Variants in ZNF407 observed in about 807,000 individuals in gnomAD.
ZNF407 encodes zinc finger protein 407.
In ZNF407, 17 loss-of-function variants were observed where a neutral mutation model predicts 131.2. The ratio of observed to expected loss-of-function variants is 0.13; its 90% CI spans 0.09 to 0.19. The LOEUF is 0.19. Among genes scored for constraint, ZNF407 ranks in the 10% least tolerant of loss-of-function variants. ZNF407 has a pLI of 1.00. For synonymous variants in ZNF407, 1,156 were observed against 1,062.0 expected (o/e 1.09, Z -1.72); for missense variants, 2,681 against 2,830.6 (o/e 0.95, Z 1.20).
At chr18:74,651,637 A>G (rs1477425544) in intron 3 of ZNF407, among the ~76,000 whole-genome samples, 1 of 152,222 alleles carries the variant, frequency 6.6e-6, no homozygotes, top group African/African-American at 2.4e-5. Context: ...TAAAATATTC[A>G]GGCTCAGCAA....
intron 3 of ZNF407, among the ~76,000 whole-genome samples, chr18:74,686,873 C>G (rs1022156673): frequency 2.6e-5 from 4 of 152,166 alleles, no homozygotes; most frequent in African/African-American, 9.7e-5. Context: ...TATATATACA[C>G]TGTATTATGT....
intron 1 of ZNF407, among the ~76,000 whole-genome samples, chr18:74,619,790 ACAGCAAAT>A (rs1983443391): frequency 7.9e-5 from 12 of 152,214 alleles, no homozygotes; most frequent in Non-Finnish European, 2.9e-5. Flanking sequence ...TTGATGTGAA[ACAGCAAAT>A]CCCATTTCTC....
At chr18:74,909,829 T>C (rs183816131) in intron 7 of ZNF407, among the ~76,000 whole-genome samples, 1 of 152,326 alleles carries the variant, frequency 6.6e-6, no homozygotes, top group Admixed American at 6.5e-5. Context: ...GTCAAGTCTA[T>C]CTATGTTTGA....
chr18:74,674,455 C>CT (rs36053778), intron 3 of ZNF407, among the ~76,000 whole-genome samples: 11,304 of 152,146 alleles, frequency 0.074, 444 homozygotes, highest in East Asian at 0.12. Flanking sequence ...ACCAAATTCT[C>CT]TGTTATCAAG....
At chr18:74,667,482 T>C (rs1381231282) in intron 3 of ZNF407, among the ~76,000 whole-genome samples, 1 of 152,220 alleles carries the variant, frequency 6.6e-6, no homozygotes, top group Non-Finnish European at 1.5e-5. Flanking sequence ...CAGCTGTTGC[T>C]TTTACTGAGC....
At chr18:74,791,096 A>G (rs3843968) in intron 4 of ZNF407, among the ~76,000 whole-genome samples, 98,635 of 152,006 alleles carry the variant, frequency 0.65, 33,767 homozygotes, top group East Asian at 0.95. Flanking sequence ...GAAAACAAGC[A>G]GATGATTGAT....
intron 8 of ZNF407, among the ~76,000 whole-genome samples, chr18:74,973,507 C>A (rs532196764): frequency 1.3e-5 from 2 of 152,074 alleles, no homozygotes; most frequent in Non-Finnish European, 2.9e-5. Flanking sequence ...CTGTTGGAGG[C>A]GATTACAACA....
chr18:74,698,230 A>G (rs1343784301), intron 3 of ZNF407, among the ~76,000 whole-genome samples: 1 of 152,216 alleles, frequency 6.6e-6, no homozygotes, highest in African/African-American at 2.4e-5. Context: ...AACTAAAACT[A>G]AGGACTTCTG....
chr18:75,008,750 T>C (rs76655215), intron 8 of ZNF407, among the ~76,000 whole-genome samples: 1,883 of 152,324 alleles, frequency 0.012, 38 homozygotes, highest in African/African-American at 0.043. Context: ...ACATTTCCAC[T>C]ACCTTCTGAT....
chr18:75,057,778 C>T (rs977750907), intron 8 of ZNF407, among the ~76,000 whole-genome samples: 1 of 152,094 alleles, frequency 6.6e-6, no homozygotes, highest in African/African-American at 2.4e-5. Flanking sequence ...AAGTGCCATT[C>T]GTGTATTTTA....
chr18:74,866,952 A>C (rs1419145215), intron 4 of ZNF407, among the ~76,000 whole-genome samples: 11 of 144,660 alleles, frequency 7.6e-5, no homozygotes, highest in Non-Finnish European at 1.0e-4. Flanking sequence ...GTTTGAGACC[A>C]GCCTTGACAA....
At chr18:74,616,855 CCACACACCA>C (rs1983314680) in intron 1 of ZNF407, among the ~76,000 whole-genome samples, 12 of 125,636 alleles carry the variant, frequency 9.6e-5, no homozygotes, top group African/African-American at 3.0e-4. Context: ...GCATCCATAT[CCACACACCA>C]CACGCATCCA....
At chr18:74,936,470 A>G (rs1972041425) in intron 8 of ZNF407, among the ~76,000 whole-genome samples, 1 of 152,156 alleles carries the variant, frequency 6.6e-6, no homozygotes, top group African/African-American at 2.4e-5. Flanking sequence ...GCCCCTGCGC[A>G]TTTAGGCTTA....
intron 4 of ZNF407, among the ~76,000 whole-genome samples, chr18:74,829,717 C>T (rs1970456110): frequency 6.6e-6 from 1 of 151,568 alleles, no homozygotes; most frequent in Non-Finnish European, 1.5e-5. Flanking sequence ...TTTTTGTTTG[C>T]TTTTTTTATA....
intron 8 of ZNF407, among the ~76,000 whole-genome samples, chr18:74,978,859 T>C (rs1402991272): frequency 2.0e-5 from 3 of 152,004 alleles, no homozygotes; most frequent in East Asian, 3.9e-4. Context: ...GAGTATATCA[T>C]GTAAGAAGGA....
intron 4 of ZNF407, among the ~76,000 whole-genome samples, chr18:74,863,167 C>T (rs1403311420): frequency 1.3e-5 from 2 of 151,826 alleles, no homozygotes; most frequent in South Asian, 2.1e-4. Context: ...GTGATCCTCC[C>T]ACCTCGGCCT....
chr18:74,968,564 G>C (rs926510317), intron 8 of ZNF407, among the ~76,000 whole-genome samples: 12 of 152,198 alleles, frequency 7.9e-5, no homozygotes, highest in African/African-American at 1.4e-4. Flanking sequence ...AGTTTTGCCA[G>C]ACAGGACTCA....
At chr18:74,692,075 C>T (rs1261533926) in intron 3 of ZNF407, among the ~76,000 whole-genome samples, 2 of 151,966 alleles carry the variant, frequency 1.3e-5, no homozygotes, top group African/African-American at 2.4e-5. Flanking sequence ...TCCTGGGTAA[C>T]AGAGCAAGAC....
chr18:74,787,173 A>G (rs1338184756), intron 4 of ZNF407, among the ~76,000 whole-genome samples: 1 of 152,172 alleles, frequency 6.6e-6, no homozygotes, highest in Non-Finnish European at 1.5e-5. Flanking sequence ...AAAGACAGCT[A>G]GAAGTCATAT....
Sources: gnomAD v4.1 joint callset for allele counts (sites outside exome capture counted in the v4.1 genomes callset) on GRCh38, gnomAD v4.1.1 for gene constraint, MANE v1.5 for transcripts, NCBI Gene and HGNC (gene_info 2026-07-23, HGNC 2026-07-21) for gene names.